EEA1: variants seen among roughly 807,000 people sequenced by gnomAD.
EEA1 encodes early endosome antigen 1.
A neutral mutation model predicts 209.2 loss-of-function variants in EEA1; 111 were observed. That is an observed-to-expected ratio of 0.53 (90% confidence interval 0.45 to 0.62). The LOEUF is 0.62. EEA1 is among the 20% of genes least tolerant of loss of function. The pLI, the probability that EEA1 is intolerant of heterozygous loss-of-function variation, is 0.00. For missense variants in EEA1, 1,343 were observed against 1,530.8 expected, an observed-to-expected ratio of 0.88 and a Z score of 2.05; for synonymous variants, 536 against 540.6, an observed-to-expected ratio of 0.99 and a Z score of 0.12.
At chr12:92,850,689 CAAAAAAAAAAA>C (rs11323932) in intron 9 of EEA1, among the ~76,000 whole-genome samples, 2 of 46,922 alleles carry the variant, frequency 4.3e-5, no homozygotes, top group African/African-American at 8.8e-5. Flanking sequence ...GACTTTGTCT[CAAAAAAAAAAA>C]AAAAAAAAAA....
At chr12:92,902,757 A>AG (rs1880206527) in intron 1 of EEA1, among the ~76,000 whole-genome samples, 1 of 150,822 alleles carries the variant, frequency 6.6e-6, no homozygotes, top group South Asian at 2.1e-4. Context: ...AAAAAAAAAA[A>AG]AGGCTGTAAA....
At chr12:92,895,546 C>G (rs1297026337) in intron 1 of EEA1, 1 of 153,670 alleles carries the variant, frequency 6.5e-6, no homozygotes, top group Non-Finnish European at 1.5e-5. Flanking sequence ...TATCACTGTT[C>G]ATTGACAATT....
rs34192553 is a variant in EEA1, at chr12:92,774,051, CAAAA to C, written c.*1956_*1959del. 5.4e-5 allele frequency: 7 copies of C among 129,666 alleles called. No individual in the cohort carries two copies. In the Admixed American group the frequency reaches 5.5e-4, roughly 10 times the overall value. 8.0% of individuals were successfully genotyped at this position (129,666 alleles called of 1,614,324 possible). ...AGATTTCTCATGGAATTTATTATCTCAAAAAAAAAAAAAAAACAGTGGTGCTGTG... is the reference window on the plus strand; with the variant it reads ...AGATTTCTCATGGAATTTATTATCTCAAAAAAAAAAAACAGTGGTGCTGTG... On this transcript the variant is annotated 3_prime_UTR_variant, in exon 29 of 29. Coordinates refer to ENST00000322349, the MANE Select transcript of EEA1 (RefSeq NM_003566.4).
rs747457163 is a variant in EEA1, at chr12:92,857,348, A to G, written c.301-8T>C. On this transcript the variant is annotated splice_region_variant and splice_polypyrimidine_tract_variant and intron_variant, in intron 4 of 28. Coordinates refer to ENST00000322349, the MANE Select transcript of EEA1 (RefSeq NM_003566.4). ...CGAGTACCATTTTTCTTCCTAATAAAAAAGATTTTTAATTAGTAAATTTAA... is the reference window on the plus strand; with the variant it reads ...CGAGTACCATTTTTCTTCCTAATAAGAAAGATTTTTAATTAGTAAATTTAA... The G allele has an allele frequency of 7.0e-6, 11 of 1,576,628 alleles. No homozygotes were observed. In the African/African-American group the frequency reaches 1.2e-4, roughly 18 times the overall value.
At chr12:92,824,746 A>AGTGC (rs1876215816) in intron 13 of EEA1, among the ~76,000 whole-genome samples, 1 of 152,060 alleles carries the variant, frequency 6.6e-6, no homozygotes, top group Non-Finnish European at 1.5e-5. Flanking sequence ...CTTCATCTTT[A>AGTGC]TAGCACTTAT....
intron 3 of EEA1, among the ~76,000 whole-genome samples, chr12:92,863,152 G>A (rs1403713183): frequency 6.6e-6 from 1 of 152,208 alleles, no homozygotes; most frequent in Non-Finnish European, 1.5e-5. Flanking sequence ...TAGAAGGAAG[G>A]AGAACTGGCA....
In EEA1 at chr12:92,888,155, G is replaced by A. The variant is rs115561454; in HGVS notation, c.117+3474C>T. Among the ~76,000 whole-genome samples the A allele has an allele frequency of 2.4e-3, 367 of 152,262 alleles. 3 individuals are homozygous for A. Among genetic ancestry groups the A allele is most frequent in the African/African-American group, 8.1e-3 (338 of 41,544 alleles). Reference sequence around the variant, plus strand: ...TTTCAATGTGCTGACAAAAAAAAAGGTCTGTATGTAGAATTTTATGCTCAG... The same window carrying A: ...TTTCAATGTGCTGACAAAAAAAAAGATCTGTATGTAGAATTTTATGCTCAG... On this transcript the variant is annotated intron_variant, in intron 2 of 28. Coordinates refer to ENST00000322349, the MANE Select transcript of EEA1 (RefSeq NM_003566.4).
Position 92,777,048 on chromosome 12 carries a change from C to T in EEA1, c.4015-106G>A, listed in dbSNP as rs964680564. The stretch of plus-strand genomic sequence containing the variant: ...GTTCTATAAAATTTTGACTATATGA[C>T]CCATGAAATAAAATTTTAAAAATCA... On this transcript the variant is annotated intron_variant, in intron 27 of 28. Transcript: ENST00000322349. 8.1e-6 allele frequency: 9 copies of T among 1,114,194 alleles called. No individual in the cohort carries two copies. The Admixed American group carries it at 1.6e-4, about 20-fold the overall frequency. 69.0% of individuals were successfully genotyped at this position (1,114,194 alleles called of 1,614,324 possible).
intron 9 of EEA1, 92 bp from the exon 10 acceptor site, chr12:92,842,673 A>AT (rs1392303480): frequency 2.3e-5 from 18 of 782,174 alleles, no homozygotes; most frequent in Middle Eastern, 3.6e-4. Flanking sequence ...AAGAAAACAA[A>AT]TTTTTTGTTG....
chr12:92,884,371 C>G, intron 2 of EEA1: 1 of 1,248,750 alleles, frequency 8.0e-7, no homozygotes, highest in South Asian at 1.2e-5. Flanking sequence ...GTTCTAGAAA[C>G]TTTGGCGGTG....
chr12:92,845,746 T>C (rs1234095351), intron 9 of EEA1, among the ~76,000 whole-genome samples: 1 of 152,202 alleles, frequency 6.6e-6, no homozygotes, highest in African/African-American at 2.4e-5. Context: ...GTACAGTCTG[T>C]TGTTTGATTT....
At chr12:92,868,595 T>C (rs757649773) in intron 2 of EEA1, among the ~76,000 whole-genome samples, 1 of 152,182 alleles carries the variant, frequency 6.6e-6, no homozygotes, top group Non-Finnish European at 1.5e-5. Flanking sequence ...AATTACCAGA[T>C]TAATACCCTG....
rs1565805014 is a variant in EEA1 at position 92,780,380 on chromosome 12, T to G, written c.3368A>C (p.Lys1123Thr). The stretch of plus-strand genomic sequence containing the variant: ...TTCTTCTATCTCTGCCAATTTAGAC[T>G]TCTCATTTACCAGTTCTTTTTCTTT... ...SLKEKELVNE[K>T]SKLAEIEEIK... The change falls in exon 24 of 29, where the codon AAG (lysine) becomes ACG (threonine). Residue 1123 changes from lysine to threonine, a missense_variant. Around this residue, in one of 3 missense-constraint regions of EEA1, gnomAD observed 1,307 missense variants for 1,465.5 expected, o/e 0.89. Coordinates refer to ENST00000322349, the MANE Select transcript of EEA1 (RefSeq NM_003566.4). 8 of 1,573,810 alleles carry G rather than the reference T, an allele frequency of 5.1e-6. No individual in the cohort carries two copies. The highest frequency in any genetic ancestry group is 6.9e-6 in the Non-Finnish European group (8 of 1,154,706).
At chr12:92,871,391 A>G (rs1200338579) in intron 2 of EEA1, among the ~76,000 whole-genome samples, 1 of 152,182 alleles carries the variant, frequency 6.6e-6, no homozygotes, top group African/African-American at 2.4e-5. Context: ...CTGCTAAAAC[A>G]AAATATACAG....
chr12:92,893,109 T>C (rs954363608), intron 1 of EEA1, among the ~76,000 whole-genome samples: 3 of 152,194 alleles, frequency 2.0e-5, no homozygotes, highest in Admixed American at 2.0e-4. Context: ...AAAGGTCTTT[T>C]CCCCCTGTAC....
At position 92,779,096 on chromosome 12, in the gene EEA1, C is replaced by T; in HGVS notation, c.3654+19G>A. On this transcript the variant is annotated intron_variant, in intron 25 of 28. Transcript: ENST00000322349. ...AAAGCTCTACTGCAAAACACACTTC[C>T]CCCGATTAACTCACTGACCAACTTA... 1 of 1,585,386 alleles carries T rather than the reference C, an allele frequency of 6.3e-7. No homozygotes were observed. Among genetic ancestry groups the T allele is most frequent in the Non-Finnish European group, 8.5e-7 (1 of 1,170,424 alleles).
At chr12:92,913,695 C>T (rs570501501) in intron 1 of EEA1, among the ~76,000 whole-genome samples, 264 of 152,280 alleles carry the variant, frequency 1.7e-3, no homozygotes, top group South Asian at 2.9e-3. Flanking sequence ...GAGTCTTGCT[C>T]TGTCACCCGG....
At chr12:92,808,925 C>T in intron 18 of EEA1, 92 bp downstream of exon 18, 1 of 1,072,098 alleles carries the variant, frequency 9.3e-7, no homozygotes, top group African/African-American at 1.6e-5. Flanking sequence ...AGTCTTTAAG[C>T]ACTACGATAG....
intron 10 of EEA1, among the ~76,000 whole-genome samples, chr12:92,834,546 T>TAAAAAA (rs5800089): frequency 8.1e-5 from 6 of 74,416 alleles, no homozygotes; most frequent in Admixed American, 1.8e-4. Flanking sequence ...ACCCTGTCAC[T>TAAAAAA]AAAAAAAAAA....
Sources: gnomAD v4.1 joint callset for allele counts (sites outside exome capture counted in the v4.1 genomes callset) on GRCh38, gnomAD v4.1.1 for gene constraint, gnomAD v4.1.1 regional missense constraint, MANE v1.5 for transcripts, NCBI Gene and HGNC (gene_info 2026-07-23, HGNC 2026-07-21) for gene names.